The following MAP2 variants were observed in gnomAD, a reference collection of about 807,000 sequenced individuals.
MAP2 encodes microtubule-associated protein 2.
Under a neutral mutation model 137.6 loss-of-function variants are expected in MAP2, and 14 were observed. That is an observed-to-expected ratio of 0.10 (90% CI 0.07 to 0.16). The LOEUF (loss-of-function observed/expected upper bound fraction) is 0.16, where lower values mean the gene tolerates loss of function less well. Among genes scored for constraint, MAP2 ranks in the 10% least tolerant of loss-of-function variants. The pLI is 1.00. For synonymous variants in MAP2, 786 were observed against 782.3 expected (o/e 1.00, Z -0.08); for missense variants, 2,088 against 2,191.5 (o/e 0.95, Z 0.94).
At chr2:209,682,646 AT>A (rs2055160185) in intron 7 of MAP2, among the ~76,000 whole-genome samples, 1 of 152,254 alleles carries the variant, frequency 6.6e-6, no homozygotes, top group South Asian at 2.1e-4. Flanking sequence ...TGGTGAGGGG[AT>A]GGCTAAGTAG....
intron 3 of MAP2, among the ~76,000 whole-genome samples, chr2:209,623,757 G>GA (rs1226016524): frequency 4.7e-5 from 7 of 150,288 alleles, no homozygotes; most frequent in Admixed American, 2.7e-4. Flanking sequence ...CTGGACTAAA[G>GA]AAAAAAAAAG....
intron 2 of MAP2, among the ~76,000 whole-genome samples, chr2:209,544,960 C>A (rs919645476): frequency 6.6e-6 from 1 of 152,006 alleles, no homozygotes; most frequent in African/African-American, 2.4e-5. Context: ...TTTCACTGTT[C>A]ATTAAACTAT....
chr2:209,630,183 G>C (rs1252783964), intron 4 of MAP2, among the ~76,000 whole-genome samples: 1 of 152,158 alleles, frequency 6.6e-6, no homozygotes, highest in East Asian at 1.9e-4. Context: ...TATGGTTGCT[G>C]AGGGACCTCA....
rs764453874 is a variant in MAP2 at position 209,695,010 on chromosome 2, G to T, written c.2840G>T (p.Ser947Ile). ...ATCTCTGGTGACAAATCAGGACTGAGTAAGGAGTTTGACCAAGAGAAGAAA... is the reference window on the plus strand; with the variant it reads ...ATCTCTGGTGACAAATCAGGACTGATTAAGGAGTTTGACCAAGAGAAGAAA... ...AHISGDKSGL[S>I]KEFDQEKKAN... The change falls in exon 8 of 16, where the codon AGT (serine) becomes ATT (isoleucine). Residue 947 changes from serine to isoleucine, a missense_variant. By Grantham distance (142) the Ser-to-Ile change is moderately radical. This residue lies in a region of MAP2 where 500 missense variants were observed against 482.9 expected (regional missense o/e 1.04). Transcript: ENST00000682079. The T allele has an allele frequency of 6.2e-7, 1 of 1,614,184 alleles. No homozygotes were observed. The highest frequency in any genetic ancestry group is 1.3e-5 in the African/African-American group (1 of 75,064).
At position 209,434,930 on chromosome 2, in the gene MAP2, ATGTTATATATATG is replaced by A. The variant is rs1559157689; in HGVS notation, c.-222+10659_-222+10671del. On this transcript the variant is annotated intron_variant, in intron 1 of 15. Transcript: ENST00000682079. ...TATGTTATATATATGTTATATATAT[ATGTTATATATATG>A]TGTTTTATATATATAAAGCAAATCA... Among the ~76,000 whole-genome samples, 46 of 141,222 alleles carry A rather than the reference ATGTTATATATATG, an allele frequency of 3.3e-4. 3 individuals carry two copies. The highest frequency in any genetic ancestry group is 8.6e-4 in the Admixed American group (12 of 13,994). The allele number at this position is 141,222 out of a possible 152,430, so 92.6% of individuals were successfully genotyped here. A position where few individuals can be genotyped will look rare whatever the true frequency, so the allele number is the denominator to read the frequency against.
At chr2:209,475,096 T>C (rs952835450) in intron 1 of MAP2, among the ~76,000 whole-genome samples, 5 of 152,042 alleles carry the variant, frequency 3.3e-5, no homozygotes, top group Admixed American at 6.6e-5. Flanking sequence ...GTCTGGAAAA[T>C]TGATTTATAG....
At chr2:209,642,282 G>T (rs777251375) in intron 4 of MAP2, among the ~76,000 whole-genome samples, 1 of 151,464 alleles carries the variant, frequency 6.6e-6, no homozygotes, top group Non-Finnish European at 1.5e-5. Flanking sequence ...TGGATGGGGG[G>T]GATTAGCTGG....
At chr2:209,519,610 A>G (rs983371296) in intron 2 of MAP2, among the ~76,000 whole-genome samples, 1 of 152,076 alleles carries the variant, frequency 6.6e-6, no homozygotes, top group Non-Finnish European at 1.5e-5. Flanking sequence ...TAAATTCTCA[A>G]AGAACAAAGA....
In MAP2 at chr2:209,537,340, T is replaced by G. The variant is rs141142803; in HGVS notation, c.-172+29699T>G. On this transcript the variant is annotated intron_variant, in intron 2 of 15. Coordinates refer to ENST00000682079, the MANE Select transcript of MAP2 (RefSeq NM_001375505.1). ...AGAAACACACAATAAATTTTCCATA[T>G]AAGTTGAATTAATTTATACCTGGAT... Among the ~76,000 whole-genome samples, 5 of 152,312 alleles carry G rather than the reference T, an allele frequency of 3.3e-5. No homozygotes were observed. In the East Asian group the frequency reaches 9.7e-4, roughly 29 times the overall value.
Position 209,700,300 on chromosome 2 carries a change from G to A in MAP2, c.4546G>A (p.Ala1516Thr), listed in dbSNP as rs1439656618. 6.2e-7 allele frequency: 1 copy of A among 1,613,242 alleles called. No individual in the cohort carries two copies. Among genetic ancestry groups the A allele is most frequent in the Non-Finnish European group, 8.5e-7 (1 of 1,179,568 alleles). Residue 1516 changes from alanine (A) to threonine (T), a missense_variant, in exon 11 of 16, where the codon GCT becomes ACT. Ala to Thr is a moderately conservative substitution (Grantham distance 58, BLOSUM62 0). This residue lies in a region of MAP2 where 591 missense variants were observed against 642.6 expected (regional missense o/e 0.92). Transcript: ENST00000682079. ...AGCAGCAGGTGGGGAATCAGCTCTG[G>A]CTCCCAGTGTATTTAAACAGGCAAA... Reference protein sequence around the residue: ...TTAAGGESALAPSVFKQAKDK... With the variant: ...TTAAGGESALTPSVFKQAKDK...
chr2:209,688,493 G>A (rs2153704608), intron 7 of MAP2, among the ~76,000 whole-genome samples: 1 of 152,218 alleles, frequency 6.6e-6, no homozygotes, highest in South Asian at 2.1e-4. Context: ...TAAATGTTAT[G>A]GAAACAATTT....
intron 1 of MAP2, among the ~76,000 whole-genome samples, chr2:209,429,063 C>T (rs1356985675): frequency 6.6e-6 from 1 of 152,056 alleles, no homozygotes; most frequent in African/African-American, 2.4e-5. Context: ...ACGCCATTCT[C>T]CTGCCTCAGC....
intron 1 of MAP2, among the ~76,000 whole-genome samples, chr2:209,485,137 G>C (rs539801948): frequency 2.0e-5 from 3 of 152,278 alleles, no homozygotes; most frequent in African/African-American, 7.2e-5. Context: ...AGTCCTCCTA[G>C]AGGTGACGGG....
At chr2:209,614,911 C>A (rs767877450) in intron 3 of MAP2, among the ~76,000 whole-genome samples, 2 of 152,150 alleles carry the variant, frequency 1.3e-5, no homozygotes, top group Non-Finnish European at 2.9e-5. Flanking sequence ...TCCAGTGAGT[C>A]GATGAACTTC....
chr2:209,446,571 C>T (rs1245210597), intron 1 of MAP2, among the ~76,000 whole-genome samples: 1 of 151,728 alleles, frequency 6.6e-6, no homozygotes, highest in Non-Finnish European at 1.5e-5. Context: ...CTAGAACTGC[C>T]TAGACATGAA....
At chr2:209,566,755 G>T (rs2073507704) in intron 2 of MAP2, among the ~76,000 whole-genome samples, 1 of 151,866 alleles carries the variant, frequency 6.6e-6, no homozygotes, top group Non-Finnish European at 1.5e-5. Flanking sequence ...TTTTTCTGTT[G>T]TAAGATAAGT....
chr2:209,526,650 A>G (rs2064105631), intron 2 of MAP2, among the ~76,000 whole-genome samples: 1 of 148,706 alleles, frequency 6.7e-6, no homozygotes, highest in Non-Finnish European at 1.5e-5. Context: ...CTAACCAAAC[A>G]GTGTCTTCTA....
In MAP2 at chr2:209,434,894, T is replaced by A; in HGVS notation, c.-222+10618T>A. Among the ~76,000 whole-genome samples, 2 of 137,186 alleles carry A rather than the reference T, an allele frequency of 1.5e-5. 1 individual carries two copies. The highest frequency in any genetic ancestry group is 1.5e-4 in the Admixed American group (2 of 13,740). 90.0% of individuals were successfully genotyped at this position (137,186 alleles called of 152,430 possible). On this transcript the variant is annotated intron_variant, in intron 1 of 15. Transcript: ENST00000682079. ...ATATGTTATATATATGTTATATATA[T>A]GTTATATATATATGTTATATATATG...
At chr2:209,540,058 G>A (rs1026145317) in intron 2 of MAP2, among the ~76,000 whole-genome samples, 1 of 132,236 alleles carries the variant, frequency 7.6e-6, no homozygotes, top group South Asian at 2.5e-4. Context: ...CTGTGATCAT[G>A]CCAGTACACT....
Sources: allele counts gnomAD v4.1 joint callset (sites outside exome capture counted in the v4.1 genomes callset), GRCh38; gene constraint gnomAD v4.1.1; regional missense constraint gnomAD v4.1.1; transcripts MANE v1.5; gene names NCBI Gene and HGNC (gene_info 2026-07-23, HGNC 2026-07-21).